The following KIF6 variants were observed in gnomAD, a reference collection of about 807,000 sequenced individuals.
KIF6 encodes the protein kinesin-like protein KIF6.
Under a neutral mutation model 112.7 loss-of-function variants are expected in KIF6, and 106 were observed. The observed-to-expected ratio is 0.94, with a 90% CI of 0.80 to 1.11. The LOEUF (loss-of-function observed/expected upper bound fraction) is 1.11, where lower values mean the gene tolerates loss of function less well. Ranked by LOEUF, KIF6 falls within the 50% of genes least tolerant of loss-of-function variation. The probability of loss-of-function intolerance (pLI) is 0.00; values close to 1 mark genes in which losing one functional copy is unlikely to be tolerated. For synonymous variants in KIF6, 339 were observed against 339.9 expected (o/e 1.00, Z 0.03); for missense variants, 929 against 964.0 (o/e 0.96, Z 0.48).
rs138317615 is a variant in KIF6, at chr6:39,347,277, A to C, written c.2181-751T>G. Reference sequence around the variant, plus strand: ...TTCTAACTGGGCTTGACTCTGTGGCATTCTAGGAACACACGCTGGCCTACC... The same window carrying C: ...TTCTAACTGGGCTTGACTCTGTGGCCTTCTAGGAACACACGCTGGCCTACC... On this transcript the variant is annotated intron_variant, in intron 19 of 22. Coordinates refer to ENST00000287152, the MANE Select transcript of KIF6 (RefSeq NM_145027.6). Among the ~76,000 whole-genome samples the C allele has an allele frequency of 7.0e-3, 1,069 of 152,268 alleles. 19 individuals carry two copies. The highest frequency in any genetic ancestry group is 0.024 in the African/African-American group (1,004 of 41,550).
intron 8 of KIF6, 30 bp from the exon 9 acceptor site, chr6:39,585,014 T>C: frequency 8.2e-7 from 1 of 1,217,704 alleles, no homozygotes; most frequent in Non-Finnish European, 1.2e-6. Flanking sequence ...TCTTAAAATA[T>C]TATGGCATAG....
chr6:39,666,962 T>C (rs1786504307), intron 3 of KIF6, among the ~76,000 whole-genome samples: 1 of 152,216 alleles, frequency 6.6e-6, no homozygotes, highest in Admixed American at 6.5e-5. Context: ...TTTAAACTTT[T>C]ATCTTTCATT....
chr6:39,413,548 C>T (rs546002881), intron 15 of KIF6, among the ~76,000 whole-genome samples: 1 of 152,084 alleles, frequency 6.6e-6, no homozygotes. Context: ...TAAGCCAGGT[C>T]GATCATTCGT....
chr6:39,590,451 ATTTT>A (rs58169713), intron 7 of KIF6, among the ~76,000 whole-genome samples: 14 of 84,752 alleles, frequency 1.7e-4, no homozygotes, highest in African/African-American at 6.6e-4. Flanking sequence ...ATATATATAT[ATTTT>A]TTTTTTTTTT....
intron 20 of KIF6, among the ~76,000 whole-genome samples, chr6:39,346,049 G>GCTCTCGCTCTCTCTCT (rs1763695107): frequency 3.4e-5 from 1 of 28,994 alleles, no homozygotes; most frequent in South Asian, 1.5e-3. Flanking sequence ...AAACTACAGT[G>GCTCTCGCTCTCTCTCT]CTCTCTCTCT....
intron 15 of KIF6, among the ~76,000 whole-genome samples, chr6:39,389,638 GC>G (rs879294023): frequency 1.3e-5 from 2 of 152,180 alleles, no homozygotes; most frequent in African/African-American, 2.4e-5. Context: ...CCTGAGTTTG[GC>G]TCTTCCACAC....
chr6:39,697,638 G>A (rs1264654065), intron 3 of KIF6, among the ~76,000 whole-genome samples: 1 of 151,472 alleles, frequency 6.6e-6, no homozygotes, highest in African/African-American at 2.4e-5. Context: ...CGCCTCCCAG[G>A]TTCAAGTGAT....
intron 2 of KIF6, among the ~76,000 whole-genome samples, chr6:39,718,000 G>A (rs1466434477): frequency 1.3e-5 from 2 of 151,862 alleles, no homozygotes; most frequent in African/African-American, 4.8e-5. Flanking sequence ...GCCGAGGCGG[G>A]CAGATCACTC....
rs115763961 is a variant in KIF6 at position 39,439,824 on chromosome 6, G to A, written c.1646-8663C>T. Reference sequence around the variant, plus strand: ...AAACCAAATGGAAAGGAAAAACATCGGAAGTGGAGAGTTTATGCTATTGCC... The same window carrying A: ...AAACCAAATGGAAAGGAAAAACATCAGAAGTGGAGAGTTTATGCTATTGCC... On this transcript the variant is annotated intron_variant, in intron 13 of 22. Transcript: ENST00000287152. Among the ~76,000 whole-genome samples, 881 of 152,224 alleles carry A rather than the reference G, an allele frequency of 5.8e-3. 18 individuals carry two copies. The highest frequency in any genetic ancestry group is 3.9e-3 in the East Asian group (20 of 5,178).
chr6:39,658,354 C>T (rs1204498128), intron 3 of KIF6, among the ~76,000 whole-genome samples: 2 of 152,086 alleles, frequency 1.3e-5, no homozygotes, highest in African/African-American at 4.8e-5. Flanking sequence ...TTAAAAATTG[C>T]TATGCATTTT....
intron 7 of KIF6, among the ~76,000 whole-genome samples, chr6:39,587,835 C>G (rs144514086): frequency 1.3e-5 from 2 of 152,310 alleles, no homozygotes; most frequent in African/African-American, 2.4e-5. Flanking sequence ...GAATTAATTT[C>G]CCTTTCATCT....
chr6:39,624,449 G>C (rs939172695), intron 5 of KIF6, among the ~76,000 whole-genome samples: 1 of 152,162 alleles, frequency 6.6e-6, no homozygotes, highest in Non-Finnish European at 1.5e-5. Flanking sequence ...AGCAAGCTTA[G>C]AATCATTCAA....
intron 13 of KIF6, among the ~76,000 whole-genome samples, chr6:39,466,841 C>A (rs1773820030): frequency 6.6e-6 from 1 of 152,226 alleles, no homozygotes; most frequent in Non-Finnish European, 1.5e-5. Flanking sequence ...GTGAAGCAGG[C>A]CAAGAATACC....
At position 39,586,285 on chromosome 6, in the gene KIF6, G is replaced by T; in HGVS notation, c.966C>A (p.Leu322=). ...GNCMTTMIAT[L]SLEKRNLDES... is the part of the protein sequence containing the mutation. ...CATCAAGATTCCTTTTCTCCAAGGA[G>T]AGTGTTGCAATCATAGTTGTCATGC... Residue 322 remains leucine (L), a synonymous_variant, in exon 8 of 23, where the codon CTC becomes CTA. Coordinates refer to ENST00000287152, the MANE Select transcript of KIF6 (RefSeq NM_145027.6). The T allele has an allele frequency of 1.2e-6, 2 of 1,614,192 alleles. No homozygotes were observed. The highest frequency in any genetic ancestry group is 1.7e-6 in the Non-Finnish European group (2 of 1,180,018).
At chr6:39,357,224 G>T in intron 19 of KIF6, 53 bp downstream of exon 19, 1 of 1,111,992 alleles carries the variant, frequency 9.0e-7, no homozygotes, top group Non-Finnish European at 1.4e-6. Context: ...TAAACAGAAA[G>T]GTAGGGAGCC....
At chr6:39,702,272 T>G (rs1471218875) in intron 3 of KIF6, among the ~76,000 whole-genome samples, 1 of 151,844 alleles carries the variant, frequency 6.6e-6, no homozygotes, top group Non-Finnish European at 1.5e-5. Flanking sequence ...CCGCCAAGAG[T>G]GATAGTCTGA....
chr6:39,346,078 CTCT>C (rs1763714608), intron 20 of KIF6, among the ~76,000 whole-genome samples: 1 of 21,158 alleles, frequency 4.7e-5, no homozygotes, highest in Non-Finnish European at 8.5e-5. Flanking sequence ...CTCTCTCTCT[CTCT>C]CTCTCCCCCC....
rs2150648331 is a variant in KIF6 at position 39,581,687 on chromosome 6, C to T, written c.1077+3211G>A. ...TTTTTTTTTATAGTTGTCCCTTTTA[C>T]TGGTTTTATGTTGGGGAAAAGAGAG... On this transcript the variant is annotated intron_variant, in intron 9 of 22. Coordinates refer to ENST00000287152, the MANE Select transcript of KIF6 (RefSeq NM_145027.6). Among the ~76,000 whole-genome samples, 3 of 151,826 alleles carry T rather than the reference C, an allele frequency of 2.0e-5. No homozygotes were observed. The South Asian group carries it at 6.2e-4, about 32-fold the overall frequency.
chr6:39,554,589 C>T (rs1296010173), intron 10 of KIF6: 8 of 152,892 alleles, frequency 5.2e-5, no homozygotes, highest in African/African-American at 1.9e-4. Flanking sequence ...TGAGCTCACT[C>T]CCACTGGGCC....
Sources: allele counts gnomAD v4.1 joint callset (sites outside exome capture counted in the v4.1 genomes callset), GRCh38; gene constraint gnomAD v4.1.1; transcripts MANE v1.5; gene names NCBI Gene and HGNC (gene_info 2026-07-23, HGNC 2026-07-21).